The following KIF26B variants were observed in gnomAD, a reference collection of about 807,000 sequenced individuals.
The protein encoded by KIF26B is kinesin-like protein KIF26B.
Under a neutral mutation model 151.2 loss-of-function variants are expected in KIF26B, and 63 were observed. That is an observed-to-expected ratio of 0.42 (90% confidence interval 0.34 to 0.51). The LOEUF (loss-of-function observed/expected upper bound fraction) is 0.51. Among genes scored for constraint, KIF26B ranks in the 20% least tolerant of loss-of-function variants. The pLI is 0.07. For missense variants in KIF26B, 2,813 were observed against 2,913.6 expected (o/e 0.97, Z 0.79); for synonymous variants, 1,357 against 1,262.1 (o/e 1.08, Z -1.59).
chr1:245,366,457 A>G (rs1287784331), intron 2 of KIF26B, among the ~76,000 whole-genome samples: 4 of 151,624 alleles, frequency 2.6e-5, no homozygotes, highest in Non-Finnish European at 5.9e-5. Context: ...ACTTGAATCC[A>G]GAGGTGGAGG....
At chr1:245,659,131 G>A (rs183470273) in intron 10 of KIF26B, among the ~76,000 whole-genome samples, 70 of 152,166 alleles carry the variant, frequency 4.6e-4, no homozygotes, top group Admixed American at 1.5e-3. Context: ...CCAGCTACTC[G>A]GCAGGCTGAG....
chr1:245,364,317 G>A (rs1416479320), intron 2 of KIF26B, among the ~76,000 whole-genome samples: 1 of 152,128 alleles, frequency 6.6e-6, no homozygotes, highest in African/African-American at 2.4e-5. Flanking sequence ...TGCGGTTTCT[G>A]GAGAGTGGTT....
chr1:245,267,391 A>G (rs1670765360), intron 2 of KIF26B, among the ~76,000 whole-genome samples: 1 of 152,156 alleles, frequency 6.6e-6, no homozygotes, highest in African/African-American at 2.4e-5. Context: ...TGCGAAGTAC[A>G]CCGTAGAGCA....
In KIF26B at chr1:245,688,084, G is replaced by A. The variant is rs1185283109; in HGVS notation, c.5101G>A (p.Gly1701Ser). 38 of 1,553,632 alleles carry A rather than the reference G, an allele frequency of 2.4e-5. No individual in the cohort carries two copies. The highest frequency in any genetic ancestry group is 4.8e-5 in the East Asian group (2 of 41,360). Residue 1701 changes from glycine (G) to serine (S), a missense_variant, in exon 12 of 15, where the codon GGC (glycine) becomes AGC (serine). Gly to Ser is a moderately conservative substitution (Grantham distance 56). Around this residue, in one of 3 missense-constraint regions of KIF26B, gnomAD observed 2,060 missense variants for 2,088.6 expected, o/e 0.99. Transcript: ENST00000407071. ...VSSRLHAGKD[G>S]TMPRAGRSLG... Reference sequence around the variant, plus strand: ...CTCCCGGCTGCACGCGGGCAAGGACGGCACCATGCCCCGCGCGGGGAGGAG... The same window carrying A: ...CTCCCGGCTGCACGCGGGCAAGGACAGCACCATGCCCCGCGCGGGGAGGAG...
At chr1:245,340,657 A>C (rs1672316650) in intron 2 of KIF26B, among the ~76,000 whole-genome samples, 1 of 152,222 alleles carries the variant, frequency 6.6e-6, no homozygotes, top group Admixed American at 6.5e-5. Flanking sequence ...CACAGAGGTA[A>C]GATAGACAGG....
At position 245,156,609 on chromosome 1, in the gene KIF26B, A is replaced by C; in HGVS notation, c.391A>C (p.Asn131His). 6.6e-7 allele frequency: 1 copy of C among 1,526,150 alleles called. No individual in the cohort carries two copies. 94.5% of individuals were successfully genotyped at this position (1,526,150 alleles called of 1,614,324 possible). A position where few individuals can be genotyped will look rare whatever the true frequency, so the allele number is the denominator to read the frequency against. ...PGSDRGVWCE[N>H]CNARLVELKR... ...CTCGGACCGCGGCGTCTGGTGCGAGAACTGCAACGCCCGCCTGGTGGAGCT... is the reference window on the plus strand; with the variant it reads ...CTCGGACCGCGGCGTCTGGTGCGAGCACTGCAACGCCCGCCTGGTGGAGCT... Residue 131 changes from asparagine to histidine, a missense_variant, in exon 2 of 15, where the codon AAC becomes CAC. Asn to His is a moderately conservative substitution (Grantham distance 68). Transcript: ENST00000407071.
At chr1:245,293,911 A>G (rs1051839129) in intron 2 of KIF26B, among the ~76,000 whole-genome samples, 1 of 152,230 alleles carries the variant, frequency 6.6e-6, no homozygotes, top group Non-Finnish European at 1.5e-5. Flanking sequence ...AGGAAAATGT[A>G]TAAAATGGAA....
chr1:245,677,831 G>A (rs964120017), intron 10 of KIF26B, among the ~76,000 whole-genome samples: 8 of 152,218 alleles, frequency 5.3e-5, no homozygotes, highest in South Asian at 2.1e-4. Context: ...TCAGTCTGGC[G>A]CAACTCAACA....
intron 5 of KIF26B, among the ~76,000 whole-genome samples, chr1:245,546,420 C>G (rs548553998): frequency 4.1e-4 from 62 of 152,112 alleles, no homozygotes; most frequent in Non-Finnish European, 2.2e-4. Context: ...GGATAGCTCT[C>G]TGTTGTTCAG....
At chr1:245,559,691 C>T (rs1461067178) in intron 5 of KIF26B, among the ~76,000 whole-genome samples, 2 of 152,158 alleles carry the variant, frequency 1.3e-5, no homozygotes, top group East Asian at 1.9e-4. Flanking sequence ...GGACTACAGG[C>T]GTGAGCCACC....
At chr1:245,407,716 AC>A (rs1396088177) in intron 3 of KIF26B, among the ~76,000 whole-genome samples, 1 of 152,242 alleles carries the variant, frequency 6.6e-6, no homozygotes, top group Non-Finnish European at 1.5e-5. Flanking sequence ...CTATTTGTAT[AC>A]ATCTGTTAAT....
At chr1:245,262,746 C>T (rs1309989450) in intron 2 of KIF26B, among the ~76,000 whole-genome samples, 1 of 152,172 alleles carries the variant, frequency 6.6e-6, no homozygotes, top group East Asian at 1.9e-4. Context: ...TGAGCCACTG[C>T]GCCTGGCCAG....
At position 245,575,010 on chromosome 1, in the gene KIF26B, G is replaced by A. The variant is rs2043104049; in HGVS notation, c.1351-27567G>A. ...CTCCCGAGTAGCTGGGACTACAGGC[G>A]CCCGCCACCACACCCGGCTAATTTT... On this transcript the variant is annotated intron_variant, in intron 5 of 14. Transcript: ENST00000407071. 4.6e-5 allele frequency among the ~76,000 whole-genome samples: 7 copies of A among 150,934 alleles called. No individual in the cohort carries two copies. The South Asian group carries it at 1.5e-3, about 32-fold the overall frequency.
At chr1:245,638,112 ATAT>A (rs1432768052) in intron 9 of KIF26B, among the ~76,000 whole-genome samples, 3 of 152,100 alleles carry the variant, frequency 2.0e-5, no homozygotes, top group South Asian at 2.1e-4. Flanking sequence ...CATTTTAATA[ATAT>A]TAATTCTTCT....
chr1:245,223,855 G>C (rs1050407125), intron 2 of KIF26B, among the ~76,000 whole-genome samples: 5 of 152,198 alleles, frequency 3.3e-5, no homozygotes, highest in African/African-American at 9.7e-5. Flanking sequence ...GCACCAAACT[G>C]TACCTTTGTC....
At chr1:245,369,053 G>T (rs142142559) in intron 3 of KIF26B, among the ~76,000 whole-genome samples, 6 of 152,206 alleles carry the variant, frequency 3.9e-5, no homozygotes, top group Non-Finnish European at 7.3e-5. Context: ...CGGGAAGATC[G>T]CCTGAGCCCA....
rs186167040 is a variant in KIF26B at position 245,266,568 on chromosome 1, C to T, written c.466-100266C>T. 4.3e-3 allele frequency among the ~76,000 whole-genome samples: 645 copies of T among 151,602 alleles called. 3 individuals are homozygous for T. The highest frequency in any genetic ancestry group is 0.015 in the African/African-American group (619 of 41,310). On this transcript the variant is annotated intron_variant, in intron 2 of 14. Transcript: ENST00000407071. ...CTGTCACCCACGCGGAGTGCAGTGG[C>T]GCAATCTTGGCTCACTGCAACCTCC... is the stretch of plus-strand genomic sequence containing the variant.
Position 245,241,382 on chromosome 1 carries a change from G to A in KIF26B, c.465+84699G>A, listed in dbSNP as rs991799071. Among the ~76,000 whole-genome samples, 2 of 152,178 alleles carry A rather than the reference G, an allele frequency of 1.3e-5. No individual in the cohort carries two copies. Among genetic ancestry groups the A allele is most frequent in the Non-Finnish European group, 2.9e-5 (2 of 68,034 alleles). ...GCTTCTCCAGAGCCTGCTGGCTGGA[G>A]GTTGGCTGTCCGTGGTGGTCTGGTT... On this transcript the variant is annotated intron_variant, in intron 2 of 14. Coordinates refer to ENST00000407071, the MANE Select transcript of KIF26B (RefSeq NM_018012.4). The surrounding 1 kb of genome is among the most constrained non-coding windows in gnomAD (Gnocchi z 5.0).
At chr1:245,484,766 CATATTATTA>C (rs1009533718) in intron 4 of KIF26B, among the ~76,000 whole-genome samples, 1 of 123,262 alleles carries the variant, frequency 8.1e-6, no homozygotes, top group Admixed American at 8.7e-5. Flanking sequence ...TCTTCTTCTT[CATATTATTA>C]TTATTATTAT....
Sources: allele counts gnomAD v4.1 joint callset (sites outside exome capture counted in the v4.1 genomes callset), GRCh38; gene constraint gnomAD v4.1.1; regional missense constraint gnomAD v4.1.1; non-coding constraint Gnocchi (gnomAD v3.1); transcripts MANE v1.5; gene names NCBI Gene and HGNC (gene_info 2026-07-23, HGNC 2026-07-21).